NBPF20: variants seen among roughly 807,000 people sequenced by gnomAD.
NBPF20 encodes NBPF member 20.
Under a neutral mutation model 68.1 loss-of-function variants are expected in NBPF20, and 90 were observed. The ratio of observed to expected loss-of-function variants is 1.32; its 90% confidence interval spans 1.11 to 1.58. The LOEUF (loss-of-function observed/expected upper bound fraction) is 1.58, where lower values mean the gene tolerates loss of function less well. Ranked by LOEUF, NBPF20 falls within the 40% of genes most tolerant of loss-of-function variation. The pLI, the probability that NBPF20 is intolerant of heterozygous loss-of-function variation, is 0.00. For synonymous variants in NBPF20, 290 were observed against 228.1 expected (o/e 1.27, Z -2.45); for missense variants, 816 against 601.2 (o/e 1.36, Z -3.74).
intron 8 of NBPF20, 78 bp downstream of exon 13, chr1:145,394,900 G>A (rs1553663429): frequency 1.1e-5 from 16 of 1,456,660 alleles, no homozygotes; most frequent in Admixed American, 3.3e-5. Flanking sequence ...GCCCAACAAG[G>A]GGCACAAGGC....
At chr1:145,408,735 T>C (rs1368558763), upstream of NBPF20, among the ~76,000 whole-genome samples, 3 of 152,044 alleles carry the variant, frequency 2.0e-5, no homozygotes, top group Admixed American at 6.6e-5. Context: ...AAACATGATA[T>C]ATATTTATTT....
chr1:145,298,394 A>T (rs1292586648), intron 129 of NBPF20, among the ~76,000 whole-genome samples: 1 of 143,834 alleles, frequency 7.0e-6, no homozygotes, highest in Non-Finnish European at 1.5e-5. Context: ...ACACAGAGAG[A>T]GAGAACGAGC....
chr1:145,309,536 A>C (rs1193268054), intron 115 of NBPF20, among the ~76,000 whole-genome samples: 1 of 68,154 alleles, frequency 1.5e-5, no homozygotes, highest in Admixed American at 1.5e-4. Context: ...TCCAGGTGAC[A>C]CACTGATGAG....
chr1:145,298,382 A>G (rs1661343639), intron 129 of NBPF20, among the ~76,000 whole-genome samples: 2 of 144,088 alleles, frequency 1.4e-5, no homozygotes, highest in South Asian at 4.4e-4. Context: ...ACACACACAC[A>G]CACACAGAGA....
exon 138 of NBPF20, chr1:145,291,705 A>G (rs782379518): frequency 3.1e-6 from 5 of 1,611,948 alleles, no homozygotes; most frequent in Non-Finnish European, 2.5e-6. Context: ...GGAGTAGAAT[A>G]ACATCCATCC....
the NBPF20 span, among the ~76,000 whole-genome samples, chr1:145,417,883 T>C: frequency 8.2e-4 from 114 of 138,302 alleles, no homozygotes; most frequent in African/African-American, 2.8e-3. Context: ...TTTGGACAAC[T>C]TAAGTTCATT....
exon 138 of NBPF20, chr1:145,290,317 G>C (rs587671188): frequency 2.0e-5 from 3 of 149,224 alleles, no homozygotes; most frequent in African/African-American, 7.7e-5. Context: ...AGATCTCCTA[G>C]ACCCCTCCTT....
chr1:145,291,529 T>A lies in NBPF20; in HGVS notation c.16938A>T (p.Gln5646His), dbSNP rs372081131. The A allele has an allele frequency of 9.0e-5, 145 of 1,612,028 alleles. No homozygotes were observed. In the African/African-American group the frequency reaches 1.7e-3, roughly 18 times the overall value. Residue 5646 changes from glutamine to histidine, a missense_variant, in exon 138 of 138, where the codon CAA (glutamine) becomes CAT (histidine). Gln to His is a conservative substitution (Grantham distance 24, BLOSUM62 0). Coordinates refer to ENST00000369373, the Ensembl canonical transcript of NBPF20. ...CTCTCGGCTTAGTAAGGGCTGTTTA[T>A]TGTGGGAATATGACTCCCATCTGGA...
At chr1:145,410,872 AATAT>A in the NBPF20 span, among the ~76,000 whole-genome samples, 1 of 132,782 alleles carries the variant, frequency 7.5e-6, no homozygotes, top group South Asian at 2.3e-4. Flanking sequence ...CAAAACGGTG[AATAT>A]ATATATGTAT....
chr1:145,377,688 G>T (rs1661827185), intron 29 of NBPF20, among the ~76,000 whole-genome samples: 1 of 134,068 alleles, frequency 7.5e-6, no homozygotes, highest in Admixed American at 8.4e-5. Context: ...GAGTTGGCCG[G>T]GTGACACACT....
At chr1:145,399,992 G>A (rs75477780) in intron 6 of NBPF20, among the ~76,000 whole-genome samples, 18 of 152,124 alleles carry the variant, frequency 1.2e-4, no homozygotes, top group South Asian at 1.0e-3. Context: ...CAGTGAAGCC[G>A]GGGGAACAAT....
chr1:145,311,028 G>T (rs1388851768), intron 113 of NBPF20, among the ~76,000 whole-genome samples, 198 bp from the exon 119 acceptor site: 1 of 86,690 alleles, frequency 1.2e-5, no homozygotes, highest in Non-Finnish European at 2.2e-5. Context: ...GACAGGGAGA[G>T]GGAGGGAGAG....
Position 145,402,152 on chromosome 1 carries a change from C to T in NBPF20, c.493+15G>A. 6.9e-7 allele frequency: 1 copy of T among 1,439,904 alleles called. No homozygotes were observed. The highest frequency in any genetic ancestry group is 9.8e-7 in the Non-Finnish European group (1 of 1,025,042). The allele number at this position is 1,439,904 out of a possible 1,614,324, so 89.2% of individuals were successfully genotyped here. On this transcript the variant is annotated intron_variant, in intron 4 of 137. Coordinates refer to ENST00000369373, the Ensembl canonical transcript of NBPF20. Reference sequence around the variant, plus strand: ...GCCTGGGATTTTGGGTCATCAGGGCCTATGGCCACCTTACCTGGGCTGAGC... The same window carrying T: ...GCCTGGGATTTTGGGTCATCAGGGCTTATGGCCACCTTACCTGGGCTGAGC...
exon 138 of NBPF20, chr1:145,291,679 T>A: frequency 3.7e-6 from 6 of 1,611,908 alleles, no homozygotes; most frequent in Non-Finnish European, 5.1e-6. Flanking sequence ...AGTCAGGTAG[T>A]TCAAAGTACA....
upstream of NBPF20, among the ~76,000 whole-genome samples, chr1:145,407,513 G>T (rs1469528162): frequency 1.4e-5 from 2 of 144,580 alleles, no homozygotes; most frequent in South Asian, 2.1e-4. Flanking sequence ...ATATATACGT[G>T]TATATACATA....
chr1:145,405,700 C>T, upstream of NBPF20: 1 of 532,764 alleles, frequency 1.9e-6, no homozygotes, highest in Non-Finnish European at 3.3e-6. Flanking sequence ...GGGATCATTC[C>T]TTCAGCATTC....
chr1:145,291,540 T>G (rs782091090), exon 138 of NBPF20: 4 of 1,611,904 alleles, frequency 2.5e-6, no homozygotes, highest in African/African-American at 2.7e-5. Context: ...TGTGGGAATA[T>G]GACTCCCATC....
Position 145,292,428 on chromosome 1 carries a change from T to G in NBPF20, c.16650A>C (p.Arg5550Ser). The change falls in exon 137 of 138, where the codon AGA (arginine) becomes AGC (serine). Residue 5550 changes from arginine (R) to serine (S), a missense_variant. By Grantham distance (110) the Arg-to-Ser change is moderately radical (BLOSUM62 -1). Coordinates refer to ENST00000369373, the Ensembl canonical transcript of NBPF20. ...CTTCTTCCCCTTCTTTTCTTCCCCT[T>G]CTTCTTTTCTTCTTTGATCTTCTTC... 8.6e-6 allele frequency: 6 copies of G among 700,246 alleles called. No homozygotes were observed. The Admixed American group carries it at 8.6e-5, about 10-fold the overall frequency. 43.4% of individuals were successfully genotyped at this position (700,246 alleles called of 1,614,324 possible). A position where few individuals can be genotyped will look rare whatever the true frequency, so the allele number is the denominator to read the frequency against.
chr1:145,397,789 C>T (rs1189130259), intron 7 of NBPF20, among the ~76,000 whole-genome samples: 1 of 152,206 alleles, frequency 6.6e-6, no homozygotes, highest in East Asian at 1.9e-4. Context: ...CACAGAATGG[C>T]AAATTGGATA....
Sources: allele counts gnomAD v4.1 joint callset (sites outside exome capture counted in the v4.1 genomes callset), GRCh38; gene constraint gnomAD v4.1.1; transcripts MANE v1.5; gene names NCBI Gene and HGNC (gene_info 2026-07-23, HGNC 2026-07-21).